FOXL2NB: variants seen among roughly 807,000 people sequenced by gnomAD.
FOXL2NB encodes FOXL2 neighbor.
FOXL2NB carries 10 observed loss-of-function variants against 7.4 expected under a neutral mutation model. That is an observed-to-expected ratio of 1.34 (90% CI 0.83 to 2.28). FOXL2NB has a LOEUF of 2.28. FOXL2NB is among the 30% of genes most tolerant of loss of function. The probability of loss-of-function intolerance (pLI) is 0.00; values close to 1 mark genes in which losing one functional copy is unlikely to be tolerated. For synonymous variants in FOXL2NB, 104 were observed against 105.3 expected, an observed-to-expected ratio of 0.99 and a Z score of 0.08; for missense variants, 228 against 233.9, an observed-to-expected ratio of 0.97 and a Z score of 0.17.
At chr3:138,948,001 AAC>A in intron 1 of FOXL2NB, 1 of 985,690 alleles carries the variant, frequency 1.0e-6, no homozygotes, top group Non-Finnish European at 1.2e-6. Flanking sequence ...GCTGCTCAGA[AAC>A]ACAGGTATGC....
chr3:138,949,960 AG>A lies in FOXL2NB; in HGVS notation c.221-302del, dbSNP rs1056260043. 4 of 693,914 alleles carry A rather than the reference AG, an allele frequency of 5.8e-6. No individual in the cohort carries two copies. The African/African-American group carries it at 7.0e-5, about 12-fold the overall frequency. The allele number at this position is 693,914 out of a possible 1,614,324, so 43.0% of individuals were successfully genotyped here. A position where few individuals can be genotyped will look rare whatever the true frequency, so the allele number is the denominator to read the frequency against. Reference sequence around the variant, plus strand: ...TCTCCCCGCGGCATTGGGGCGACGCAGGGCCCCCGGCTTAGTGACCTTGGGG... The same window carrying A: ...TCTCCCCGCGGCATTGGGGCGACGCAGGCCCCCGGCTTAGTGACCTTGGGG... On this transcript the variant is annotated intron_variant, in intron 2 of 2. Transcript: ENST00000383165. The surrounding 1 kb of genome is among the most constrained non-coding windows in gnomAD (Gnocchi z 4.5).
Position 138,949,834 on chromosome 3 carries a change from T to C in FOXL2NB, c.220+195T>C. 1 of 770,516 alleles carries C rather than the reference T, an allele frequency of 1.3e-6. No individual in the cohort carries two copies. Among genetic ancestry groups the C allele is most frequent in the Non-Finnish European group, 2.2e-6 (1 of 448,808 alleles). The allele number at this position is 770,516 out of a possible 1,614,324, so 47.7% of individuals were successfully genotyped here. A position where few individuals can be genotyped will look rare whatever the true frequency, so the allele number is the denominator to read the frequency against. On this transcript the variant is annotated intron_variant, in intron 2 of 2. Coordinates refer to ENST00000383165, the MANE Select transcript of FOXL2NB (RefSeq NM_001040061.3). This position sits in a 1 kb window ranked among gnomAD's most constrained non-coding sequence, Gnocchi z 4.5. The stretch of plus-strand genomic sequence containing the variant: ...ACGGTGCGGGGCGCCCTGATTTACT[T>C]CTCAACCTTCGGAGGTAGGCTGGTT...
At position 138,951,115 on chromosome 3, in the gene FOXL2NB, T is replaced by C. The variant is rs60291969; in HGVS notation, c.*543T>C. On this transcript the variant is annotated 3_prime_UTR_variant, in exon 3 of 3. Coordinates refer to ENST00000383165, the MANE Select transcript of FOXL2NB (RefSeq NM_001040061.3). Reference sequence around the variant, plus strand: ...ATCTCTGTCTCGAAACTCTGCTGAGTTTGCTGCTCAGACCAACAAGGTGCA... The same window carrying C: ...ATCTCTGTCTCGAAACTCTGCTGAGCTTGCTGCTCAGACCAACAAGGTGCA... The C allele has an allele frequency of 0.15, 24,020 of 156,178 alleles. 3,768 individuals are homozygous for C. Among genetic ancestry groups the C allele is most frequent in the African/African-American group, 0.38 (15,876 of 41,410 alleles). 9.7% of individuals were successfully genotyped at this position (156,178 alleles called of 1,614,324 possible).
At chr3:138,948,156 T>TC (rs58053999) in intron 1 of FOXL2NB, 14,717 of 235,244 alleles carry the variant, frequency 0.063, 1,393 homozygotes, top group African/African-American at 0.24. Flanking sequence ...CTTCTTTCCT[T>TC]CCCCCCTTTC....
chr3:138,950,171 C>T, intron 2 of FOXL2NB, 94 bp from the exon 3 acceptor site: 3 of 1,346,284 alleles, frequency 2.2e-6, no homozygotes, highest in East Asian at 2.4e-5. Flanking sequence ...TCTCAGCTCC[C>T]GCGCCTCCTC....
chr3:138,949,489 A>C lies in FOXL2NB; in HGVS notation c.101-31A>C, dbSNP rs925909099. The C allele has an allele frequency of 1.4e-5, 22 of 1,613,462 alleles. No homozygotes were observed. The highest frequency in any genetic ancestry group is 1.9e-5 in the Non-Finnish European group (22 of 1,179,820). ...TAGAAAGGAGTTCTGCTCTGAAAAT[A>C]CTGATTTCTGACTGTCCCGTAGAGG... is the stretch of plus-strand genomic sequence containing the variant. On this transcript the variant is annotated intron_variant, in intron 1 of 2. Coordinates refer to ENST00000383165, the MANE Select transcript of FOXL2NB (RefSeq NM_001040061.3). This position sits in a 1 kb window ranked among gnomAD's most constrained non-coding sequence, Gnocchi z 4.5.
rs1936134210 is a variant in FOXL2NB at position 138,951,660 on chromosome 3, T to C, written c.*1088T>C. The C allele has an allele frequency of 6.6e-6, 1 of 152,340 alleles. No individual in the cohort carries two copies. The allele number at this position is 152,340 out of a possible 1,614,324, so 9.4% of individuals were successfully genotyped here. On this transcript the variant is annotated 3_prime_UTR_variant, in exon 3 of 3. Coordinates refer to ENST00000383165, the MANE Select transcript of FOXL2NB (RefSeq NM_001040061.3). ...TGGTGGGAGCTGCTGACAAGTTTCC[T>C]CTGATATCCCTCATGACATCTATGG...
At chr3:138,948,990 C>T (rs944399030) in intron 1 of FOXL2NB, among the ~76,000 whole-genome samples, 1 of 152,206 alleles carries the variant, frequency 6.6e-6, no homozygotes, top group Non-Finnish European at 1.5e-5. Flanking sequence ...AGAATCCCTG[C>T]TGCTGCTTTC....
rs749031547 is a variant in FOXL2NB, at chr3:138,950,490, T to C, written c.446T>C (p.Ile149Thr). Residue 149 changes from isoleucine (I) to threonine (T), a missense_variant, in exon 3 of 3, where the codon ATA (isoleucine) becomes ACA (threonine). Physicochemically the swap from Ile to Thr is moderately conservative, Grantham distance 89 (BLOSUM62 -1). Transcript: ENST00000383165. ...CTTCCCGCTCCTGAGCGGGAGAGAATAGAGCTTGCTGCAACCCTCTGCTTG... is the reference window on the plus strand; with the variant it reads ...CTTCCCGCTCCTGAGCGGGAGAGAACAGAGCTTGCTGCAACCCTCTGCTTG... Reference protein sequence around the residue: ...RRLPAPERERIELAATLCLEG... With the variant: ...RRLPAPERERTELAATLCLEG... 16 of 1,614,190 alleles carry C rather than the reference T, an allele frequency of 9.9e-6. No homozygotes were observed. The highest frequency in any genetic ancestry group is 1.4e-5 in the Non-Finnish European group (16 of 1,180,034).
At position 138,953,291 on chromosome 3, in the gene FOXL2NB, G is replaced by A. The variant is rs1237180829; in HGVS notation, c.*2719G>A. The A allele has an allele frequency of 2.0e-5, 3 of 152,298 alleles. No homozygotes were observed. The highest frequency in any genetic ancestry group is 7.2e-5 in the African/African-American group (3 of 41,480). 9.4% of individuals were successfully genotyped at this position (152,298 alleles called of 1,614,324 possible). A position where few individuals can be genotyped will look rare whatever the true frequency, so the allele number is the denominator to read the frequency against. ...GGCCTCCCAAAGTGTTGGGATTACA[G>A]GCGTGCGCCACTGCGCCTGGTCCAT... On this transcript the variant is annotated 3_prime_UTR_variant, in exon 3 of 3. Transcript: ENST00000383165.
At position 138,947,494 on chromosome 3, in the gene FOXL2NB, G is replaced by A; in HGVS notation, c.100+30G>A. On this transcript the variant is annotated intron_variant, in intron 1 of 2. Transcript: ENST00000383165. The surrounding 1 kb of genome is among the most constrained non-coding windows in gnomAD (Gnocchi z 5.2). ...AAGAAAACGACTCCTTTGCTCTGCC[G>A]TTTGCTGCCGTCTTGAGGCTGAACT... 1 of 1,514,178 alleles carries A rather than the reference G, an allele frequency of 6.6e-7. No homozygotes were observed. The highest frequency in any genetic ancestry group is 1.4e-5 in the African/African-American group (1 of 71,676). The allele number at this position is 1,514,178 out of a possible 1,614,324, so 93.8% of individuals were successfully genotyped here.
In FOXL2NB at chr3:138,951,742, C is replaced by T. The variant is rs1335859080; in HGVS notation, c.*1170C>T. 1 of 152,280 alleles carries T rather than the reference C, an allele frequency of 6.6e-6. No homozygotes were observed. Among genetic ancestry groups the T allele is most frequent in the African/African-American group, 2.4e-5 (1 of 41,464 alleles). 9.4% of individuals were successfully genotyped at this position (152,280 alleles called of 1,614,324 possible). ...GAGTGCCTTGCCAGTAGGCCTCAGG[C>T]TTGCTGGGGAACATGATGTGTTCTT... is the stretch of plus-strand genomic sequence containing the variant. On this transcript the variant is annotated 3_prime_UTR_variant, in exon 3 of 3. Coordinates refer to ENST00000383165, the MANE Select transcript of FOXL2NB (RefSeq NM_001040061.3).
chr3:138,950,394 G>GCGC lies in FOXL2NB; in HGVS notation c.359_361dup (p.Ala120dup). 6.2e-7 allele frequency: 1 copy of GCGC among 1,613,188 alleles called. No homozygotes were observed. Among genetic ancestry groups the GCGC allele is most frequent in the East Asian group, 2.2e-5 (1 of 44,884 alleles). On this transcript the variant is annotated inframe_insertion, in exon 3 of 3. Coordinates refer to ENST00000383165, the MANE Select transcript of FOXL2NB (RefSeq NM_001040061.3). ...TCGCTAGAACCACTCAGCTCGTCCC[G>GCGC]CGCCGCCGCCGGCTGCCTGAACCAG...
chr3:138,949,389 T>TGA lies in FOXL2NB; in HGVS notation c.101-130_101-129insAG. 1.0e-6 allele frequency: 1 copy of TGA among 1,001,770 alleles called. No homozygotes were observed. The highest frequency in any genetic ancestry group is 1.4e-6 in the Non-Finnish European group (1 of 695,830). The allele number at this position is 1,001,770 out of a possible 1,614,324, so 62.1% of individuals were successfully genotyped here. On this transcript the variant is annotated intron_variant, in intron 1 of 2. Transcript: ENST00000383165. This position sits in a 1 kb window ranked among gnomAD's most constrained non-coding sequence, Gnocchi z 4.5. ...TAAAGAGCCTGTGTGTGTATGCATG[T>TGA]GCGTGTGTGTGTGTGTGTGTGTGTG...
chr3:138,947,259 C>A lies in FOXL2NB; in HGVS notation c.-106C>A, dbSNP rs1559923152. On this transcript the variant is annotated 5_prime_UTR_variant, in exon 1 of 3. In the 5' UTR this introduces an upstream ATG that the reference lacks. Transcript: ENST00000383165. The surrounding 1 kb of genome is among the most constrained non-coding windows in gnomAD (Gnocchi z 5.2). ...ACTTTTTGTAAACGCCCCGCACAGC[C>A]TGGACCGGCCTGCCCCCGCCCAGCG... The A allele has an allele frequency of 6.7e-6, 6 of 892,182 alleles. No homozygotes were observed. Among genetic ancestry groups the A allele is most frequent in the Non-Finnish European group, 1.0e-5 (6 of 581,852 alleles). 55.3% of individuals were successfully genotyped at this position (892,182 alleles called of 1,614,324 possible). A position where few individuals can be genotyped will look rare whatever the true frequency, so the allele number is the denominator to read the frequency against.
Position 138,949,795 on chromosome 3 carries a change from G to C in FOXL2NB, c.220+156G>C, listed in dbSNP as rs1281137056. On this transcript the variant is annotated intron_variant, in intron 2 of 2. Transcript: ENST00000383165. This position sits in a 1 kb window ranked among gnomAD's most constrained non-coding sequence, Gnocchi z 4.5. ...CGGCCCAGCCAGAGGTGGGTGAACC[G>C]GGCGCTCCAGGAAACGGTGCGGGGC... The C allele has an allele frequency of 3.7e-6, 4 of 1,087,066 alleles. No homozygotes were observed. Among genetic ancestry groups the C allele is most frequent in the South Asian group, 1.3e-5 (1 of 76,588 alleles). The allele number at this position is 1,087,066 out of a possible 1,614,324, so 67.3% of individuals were successfully genotyped here.
rs1936122190 is a variant in FOXL2NB at position 138,951,057 on chromosome 3, C to G, written c.*485C>G. 2 of 168,886 alleles carry G rather than the reference C, an allele frequency of 1.2e-5. No homozygotes were observed. The highest frequency in any genetic ancestry group is 2.4e-5 in the African/African-American group (1 of 41,562). The allele number at this position is 168,886 out of a possible 1,614,324, so 10.5% of individuals were successfully genotyped here. On this transcript the variant is annotated 3_prime_UTR_variant, in exon 3 of 3. Coordinates refer to ENST00000383165, the MANE Select transcript of FOXL2NB (RefSeq NM_001040061.3). ...AGGTACTGAGCACGTTCCAGATACACTTTAACATGCACAGGCCACTCACAC... is the reference window on the plus strand; with the variant it reads ...AGGTACTGAGCACGTTCCAGATACAGTTTAACATGCACAGGCCACTCACAC...
rs1224712818 is a variant in FOXL2NB, at chr3:138,950,314, C to T, written c.270C>T (p.Ser90=). The T allele has an allele frequency of 1.2e-6, 2 of 1,607,296 alleles. No individual in the cohort carries two copies. Among genetic ancestry groups the T allele is most frequent in the Non-Finnish European group, 8.5e-7 (1 of 1,178,442 alleles). Reference sequence around the variant, plus strand: ...AGAAGCCGCCCGCGCCTCGGGCTTCCGGCGGCCCAGCTCTACTAGGGAAGC... The same window carrying T: ...AGAAGCCGCCCGCGCCTCGGGCTTCTGGCGGCCCAGCTCTACTAGGGAAGC... ...QRQKPPAPRA[S]GGPALLGKRR... is the part of the protein sequence containing the mutation. The change falls in exon 3 of 3, where the codon TCC becomes TCT. Residue 90 remains serine (S), a synonymous_variant. Coordinates refer to ENST00000383165, the MANE Select transcript of FOXL2NB (RefSeq NM_001040061.3).
rs369163230 is a variant in FOXL2NB, at chr3:138,950,390, T to G, written c.346T>G (p.Ser116Ala). 5.6e-5 allele frequency: 91 copies of G among 1,613,062 alleles called. No individual in the cohort carries two copies. The highest frequency in any genetic ancestry group is 8.3e-5 in the Admixed American group (5 of 59,908). The change falls in exon 3 of 3, where the codon TCC becomes GCC. Residue 116 changes from serine to alanine, a missense_variant. Transcript: ENST00000383165. ...GSASLEPLSS[S>A]RAAAGCLNQV... Reference sequence around the variant, plus strand: ...CGCTTCGCTAGAACCACTCAGCTCGTCCCGCGCCGCCGCCGGCTGCCTGAA... The same window carrying G: ...CGCTTCGCTAGAACCACTCAGCTCGGCCCGCGCCGCCGCCGGCTGCCTGAA...
Sources: allele counts gnomAD v4.1 joint callset (sites outside exome capture counted in the v4.1 genomes callset), GRCh38; gene constraint gnomAD v4.1.1; non-coding constraint Gnocchi (gnomAD v3.1); transcripts MANE v1.5; gene names NCBI Gene and HGNC (gene_info 2026-07-23, HGNC 2026-07-21).